Variants in HHIPL2 observed in about 807,000 individuals in gnomAD.
The protein encoded by HHIPL2 is HHIP like 2.
HHIPL2 carries 61 observed loss-of-function variants against 61.0 expected under a neutral mutation model. The observed-to-expected ratio is 1.00, with a 90% confidence interval of 0.81 to 1.24. HHIPL2 has a LOEUF of 1.24. HHIPL2 is among the 50% of genes most tolerant of loss of function. The probability of loss-of-function intolerance (pLI) is 0.00; values close to 1 mark genes in which losing one functional copy is unlikely to be tolerated. For missense variants in HHIPL2, 885 were observed against 910.2 expected (o/e 0.97, Z 0.36); for synonymous variants, 343 against 357.4 (o/e 0.96, Z 0.45).
intron 6 of HHIPL2, among the ~76,000 whole-genome samples, chr1:222,530,595 G>A (rs1050195927): frequency 3.9e-5 from 6 of 152,134 alleles, no homozygotes; most frequent in African/African-American, 1.4e-4. Flanking sequence ...GAAAGGGTCC[G>A]GGAGCTGACT....
At chr1:222,531,606 G>T (rs375357621) in intron 6 of HHIPL2, among the ~76,000 whole-genome samples, 6 of 152,118 alleles carry the variant, frequency 3.9e-5, no homozygotes, top group South Asian at 2.1e-4. Context: ...ACGTTAGCTG[G>T]GCATGGTGGC....
chr1:222,537,955 G>A (rs1659337184), intron 5 of HHIPL2, among the ~76,000 whole-genome samples: 2 of 152,120 alleles, frequency 1.3e-5, no homozygotes, highest in Non-Finnish European at 2.9e-5. Flanking sequence ...TAGCCAAAAT[G>A]TCCATCAGCA....
At chr1:222,523,540 A>G in intron 8 of HHIPL2, 72 bp downstream of exon 8, 2 of 1,384,914 alleles carry the variant, frequency 1.4e-6, no homozygotes, top group South Asian at 1.2e-5. Context: ...TGGGAATTAT[A>G]GCCTGCTTGC....
Position 222,532,077 on chromosome 1 carries a change from TG to T in HHIPL2, c.1611del (p.Asn537LysfsTer22). On this transcript the variant is annotated frameshift_variant, in exon 6 of 9. Transcript: ENST00000343410. LOFTEE classifies it high-confidence loss of function. ...CAAAGATCCTGCTTCTTCCATTTCT[TG>T]TTTTTTCTATCTTCCTGCAAAGCCA... Reference protein sequence around the residue: ...RLMALQEDRKNKKWKKQDLCL... With the variant: ...RLMALQEDRKXKKWKKQDLCL... 2 of 1,613,900 alleles carry T rather than the reference TG, an allele frequency of 1.2e-6. No individual in the cohort carries two copies. The highest frequency in any genetic ancestry group is 1.7e-6 in the Non-Finnish European group (2 of 1,179,818).
intron 5 of HHIPL2, among the ~76,000 whole-genome samples, chr1:222,538,425 G>GAT (rs1659352594): frequency 7.2e-6 from 1 of 137,952 alleles, no homozygotes; most frequent in Non-Finnish European, 1.5e-5. Flanking sequence ...GAGAGAGACA[G>GAT]AGAGAGAGAG....
intron 6 of HHIPL2, among the ~76,000 whole-genome samples, chr1:222,528,500 G>A (rs576761274): frequency 3.9e-5 from 6 of 152,226 alleles, no homozygotes; most frequent in South Asian, 4.1e-4. Context: ...CCAGCTATGC[G>A]GGAGGCTGAG....
At position 222,545,550 on chromosome 1, in the gene HHIPL2, G is replaced by T. The variant is rs567621878; in HGVS notation, c.322-1361C>A. ...TCATTCTGTCCACTCTCGGAGACTG[G>T]GAAAAAGGGAGAAGGGAGGCTGAAT... is the stretch of plus-strand genomic sequence containing the variant. On this transcript the variant is annotated intron_variant, in intron 1 of 8. Coordinates refer to ENST00000343410, the MANE Select transcript of HHIPL2 (RefSeq NM_024746.4). Among the ~76,000 whole-genome samples the T allele has an allele frequency of 2.6e-5, 4 of 152,148 alleles. No individual in the cohort carries two copies. The South Asian group carries it at 6.2e-4, about 24-fold the overall frequency.
rs200730440 is a variant in HHIPL2 at position 222,522,623 on chromosome 1, C to T, written c.2153G>A (p.Arg718Gln). The T allele has an allele frequency of 3.7e-6, 6 of 1,613,532 alleles. No individual in the cohort carries two copies. Among genetic ancestry groups the T allele is most frequent in the African/African-American group, 1.3e-5 (1 of 74,934 alleles). The change falls in exon 9 of 9, where the codon CGA becomes CAA. Residue 718 changes from arginine to glutamine, a missense_variant. Arg to Gln is a conservative substitution (Grantham distance 43). Transcript: ENST00000343410. ...GRMRPSAEQK[R>Q]AGRSLP ...AGGTCAAGGGAGACTTCTGCCAGCT[C>T]GCTTCTGCTCTGCTGATGGCCTCAT...
chr1:222,539,033 C>A, intron 4 of HHIPL2: 1 of 440,906 alleles, frequency 2.3e-6, no homozygotes, highest in Non-Finnish European at 4.0e-6. Flanking sequence ...GAGGCAGTGA[C>A]CTGGAAATCC....
At chr1:222,532,797 C>T (rs1414932631) in intron 5 of HHIPL2, among the ~76,000 whole-genome samples, 1 of 151,950 alleles carries the variant, frequency 6.6e-6, no homozygotes, top group Non-Finnish European at 1.5e-5. Flanking sequence ...GAAGGTTAAA[C>T]AAAATAATAT....
intron 5 of HHIPL2, among the ~76,000 whole-genome samples, chr1:222,536,960 G>T (rs1184571515): frequency 1.3e-5 from 2 of 152,062 alleles, no homozygotes; most frequent in Non-Finnish European, 2.9e-5. Context: ...GATCACTTGA[G>T]CCCAGGAGTT....
rs765635854 is a variant in HHIPL2 at position 222,542,055 on chromosome 1, G to C, written c.1075C>G (p.Gln359Glu). 1 of 1,613,940 alleles carries C rather than the reference G, an allele frequency of 6.2e-7. No individual in the cohort carries two copies. The highest frequency in any genetic ancestry group is 8.5e-7 in the Non-Finnish European group (1 of 1,179,988). ...YMYIFTGDGG[Q>E]AGDPFGLFGN... ...AACAGGCCAAAGGGATCTCCAGCCT[G>C]TCCCCCGTCCCCAGTGAATATGTAC... is the stretch of plus-strand genomic sequence containing the variant. The change falls in exon 3 of 9, where the codon CAG (glutamine) becomes GAG (glutamate). Residue 359 changes from glutamine (Q) to glutamate (E), a missense_variant. By Grantham distance (29) the Gln-to-Glu change is conservative. Coordinates refer to ENST00000343410, the MANE Select transcript of HHIPL2 (RefSeq NM_024746.4).
intron 4 of HHIPL2, among the ~76,000 whole-genome samples, chr1:222,539,524 G>C (rs1342687637): frequency 6.5e-5 from 5 of 77,056 alleles, no homozygotes; most frequent in African/African-American, 3.0e-4. Flanking sequence ...GCAAGACTCT[G>C]TCTAAAAAAA....
intron 7 of HHIPL2, among the ~76,000 whole-genome samples, chr1:222,525,824 C>T (rs903156128): frequency 1.4e-4 from 21 of 151,880 alleles, no homozygotes; most frequent in Non-Finnish European, 2.6e-4. Flanking sequence ...CATGGCAAAA[C>T]CCCGTCTCTA....
intron 1 of HHIPL2, 146 bp from the exon 2 acceptor site, chr1:222,544,335 T>G (rs1389387471): frequency 2.4e-6 from 2 of 830,462 alleles, no homozygotes; most frequent in Non-Finnish European, 3.7e-6. Context: ...CTGCTAAAAC[T>G]CTTCTCTGTG....
At chr1:222,546,428 G>C (rs570219936) in intron 1 of HHIPL2, among the ~76,000 whole-genome samples, 1 of 152,330 alleles carries the variant, frequency 6.6e-6, no homozygotes, top group African/African-American at 2.4e-5. Context: ...GGGGAAGAAA[G>C]AGGACCTTAT....
rs371900005 is a variant in HHIPL2, at chr1:222,538,708, T to C, written c.1517A>G (p.Tyr506Cys). ...GAGATTTGGGGATTCACAACCACGA[T>C]AGACATAACCTCCAGTGACTGACTT... is the stretch of plus-strand genomic sequence containing the variant. ...VGKSVTGGYVYRGCESPNLNG... is the reference protein window; with the variant it reads ...VGKSVTGGYVCRGCESPNLNG... Residue 506 changes from tyrosine to cysteine, a missense_variant, in exon 5 of 9, where the codon TAT (tyrosine) becomes TGT (cysteine). Coordinates refer to ENST00000343410, the MANE Select transcript of HHIPL2 (RefSeq NM_024746.4). 15 of 1,613,940 alleles carry C rather than the reference T, an allele frequency of 9.3e-6. No homozygotes were observed. Among genetic ancestry groups the C allele is most frequent in the South Asian group, 3.3e-5 (3 of 91,070 alleles).
At chr1:222,533,957 A>G (rs1659245487) in intron 5 of HHIPL2, among the ~76,000 whole-genome samples, 1 of 152,250 alleles carries the variant, frequency 6.6e-6, no homozygotes. Context: ...TATACTCAAC[A>G]GCAGATACAT....
chr1:222,537,502 G>A (rs191024943), intron 5 of HHIPL2, among the ~76,000 whole-genome samples: 5,386 of 151,484 alleles, frequency 0.036, 131 homozygotes, highest in Middle Eastern at 0.052. Flanking sequence ...GTGGTGGCAG[G>A]CGCCTGTAGT....
Sources: gnomAD v4.1 joint callset for allele counts (sites outside exome capture counted in the v4.1 genomes callset) on GRCh38, gnomAD v4.1.1 for gene constraint, MANE v1.5 for transcripts, NCBI Gene and HGNC (gene_info 2026-07-23, HGNC 2026-07-21) for gene names.